STEEP1: variants seen among roughly 807,000 people sequenced by gnomAD.
STEEP1 encodes the protein STING ER exit protein.
A neutral mutation model predicts 19.2 loss-of-function variants in STEEP1; 3 were observed. The ratio of observed to expected loss-of-function variants is 0.16; its 90% CI spans 0.07 to 0.40. STEEP1 has a LOEUF of 0.40. STEEP1 is among the 10% of genes least tolerant of loss of function. STEEP1 has a pLI of 0.99. For synonymous variants in STEEP1, 46 were observed against 63.7 expected (o/e 0.72, Z 1.32); for missense variants, 54 against 177.1 (o/e 0.30, Z 3.94).
intron 2 of STEEP1, among the ~76,000 whole-genome samples, chrX:119,552,553 C>G (rs748249689): frequency 1.8e-5 from 2 of 112,432 alleles, no homozygotes; most frequent in Admixed American, 1.9e-4. Context: ...TCCCTGGACA[C>G]GCCACCCTTC....
intron 4 of STEEP1, among the ~76,000 whole-genome samples, chrX:119,542,997 CAAAAAAA>C (rs60574433): frequency 1.5e-4 from 7 of 47,898 alleles, no homozygotes; most frequent in African/African-American, 5.4e-4. Flanking sequence ...CTGGGTCTCG[CAAAAAAA>C]AAAAAAAAAA....
chrX:119,557,155 CAAAAAAA>C (rs61087266), intron 2 of STEEP1, among the ~76,000 whole-genome samples: 3 of 47,778 alleles, frequency 6.3e-5, no homozygotes, highest in East Asian at 8.4e-4. Context: ...GACTCTATCT[CAAAAAAA>C]AAAAAAAAAA....
At chrX:119,544,834 G>A (rs777431081) in intron 3 of STEEP1, among the ~76,000 whole-genome samples, 2 of 109,977 alleles carry the variant, frequency 1.8e-5, no homozygotes, top group East Asian at 2.9e-4. Flanking sequence ...CCAGCTACTC[G>A]GGAGGTTGAC....
intron 2 of STEEP1, among the ~76,000 whole-genome samples, chrX:119,550,930 T>C (rs1353093305): frequency 2.7e-5 from 3 of 111,121 alleles, no homozygotes; most frequent in East Asian, 5.7e-4. Flanking sequence ...CCCAAAGTGC[T>C]AGGATTACAA....
chrX:119,545,511 A>G lies in STEEP1; in HGVS notation c.243-7T>C, dbSNP rs1233622531. The G allele has an allele frequency of 7.0e-6, 8 of 1,135,331 alleles. No individual in the cohort carries two copies. The highest frequency in any genetic ancestry group is 9.7e-6 in the Non-Finnish European group (8 of 828,470). 93.6% of individuals were successfully genotyped at this position (1,135,331 alleles called of 1,213,427 possible). On this transcript the variant is annotated splice_region_variant and splice_polypyrimidine_tract_variant and intron_variant, in intron 2 of 6. Transcript: ENST00000644802. ...TCGTTCAATGCCTTCAGGTCTGCACAGAAAATGGAAGTTAAAAAGATATGA... is the reference window on the plus strand; with the variant it reads ...TCGTTCAATGCCTTCAGGTCTGCACGGAAAATGGAAGTTAAAAAGATATGA...
chrX:119,544,096 T>C (rs182806012), intron 4 of STEEP1, among the ~76,000 whole-genome samples: 75 of 111,373 alleles, frequency 6.7e-4, no homozygotes, highest in Admixed American at 1.6e-3. Flanking sequence ...CATACCTGTA[T>C]CAAAATATCT....
chrX:119,554,830 G>A (rs1429650414), intron 2 of STEEP1, among the ~76,000 whole-genome samples: 1 of 111,448 alleles, frequency 9.0e-6, no homozygotes, highest in Non-Finnish European at 1.9e-5. Context: ...TTTCAGGCCA[G>A]GCACGGTGGC....
intron 3 of STEEP1, 111 bp downstream of exon 3, chrX:119,545,352 C>CAAAA (rs372221185): frequency 2.7e-6 from 1 of 372,852 alleles, no homozygotes; most frequent in Non-Finnish European, 4.5e-6. Context: ...GACTCTGTCT[C>CAAAA]AAAAAAAAAA....
chrX:119,540,657 A>G (rs890978302), intron 6 of STEEP1, among the ~76,000 whole-genome samples: 1 of 112,699 alleles, frequency 8.9e-6, no homozygotes, highest in African/African-American at 3.2e-5. Flanking sequence ...TCCTGGTACT[A>G]CCAAGGTAGC....
At chrX:119,563,542 C>T (rs1270735233) in intron 1 of STEEP1, among the ~76,000 whole-genome samples, 1 of 101,833 alleles carries the variant, frequency 9.8e-6, no homozygotes, top group Non-Finnish European at 2.0e-5. Context: ...GAGCGAAACT[C>T]CATCTCAAAA....
chrX:119,554,264 G>C (rs1448166115), intron 2 of STEEP1, among the ~76,000 whole-genome samples: 1 of 111,575 alleles, frequency 9.0e-6, no homozygotes. Context: ...GGCCAACACA[G>C]TGAAACCCCG....
intron 2 of STEEP1, among the ~76,000 whole-genome samples, chrX:119,559,079 G>A (rs1422734070): frequency 9.1e-6 from 1 of 110,205 alleles, no homozygotes; most frequent in Non-Finnish European, 1.9e-5. Context: ...TTAGCCAGGC[G>A]TGGTGGCAGG....
At chrX:119,562,269 C>A (rs2053325049) in intron 1 of STEEP1, among the ~76,000 whole-genome samples, 1 of 111,557 alleles carries the variant, frequency 9.0e-6, no homozygotes, top group African/African-American at 3.3e-5. Flanking sequence ...CGGTTGCTCA[C>A]GTCTGTAATC....
intron 1 of STEEP1, among the ~76,000 whole-genome samples, chrX:119,564,964 AAT>A (rs1447249995): frequency 9.0e-6 from 1 of 111,204 alleles, no homozygotes; most frequent in African/African-American, 3.3e-5. Context: ...AGGGAAATAC[AAT>A]ATGTTTGTGT....
At chrX:119,561,696 G>T (rs2053322068) in intron 1 of STEEP1, among the ~76,000 whole-genome samples, 1 of 109,479 alleles carries the variant, frequency 9.1e-6, no homozygotes, top group South Asian at 3.8e-4. Context: ...GAAAAAAAAA[G>T]AAAATTTATA....
In STEEP1 at chrX:119,564,503, A is replaced by AGGG. The variant is rs111539730; in HGVS notation, c.124+726_124+728dup. ...AGAGTGAGACTCCATCTGAAAAAAA[A>AGGG]GGGGGGGGGGAAATACGAGGTAGGA... On this transcript the variant is annotated intron_variant, in intron 1 of 6. Coordinates refer to ENST00000644802, the MANE Select transcript of STEEP1 (RefSeq NM_022101.4). Among the ~76,000 whole-genome samples the AGGG allele has an allele frequency of 4.6e-3, 354 of 77,598 alleles. 5 individuals carry two copies. Among genetic ancestry groups the AGGG allele is most frequent in the African/African-American group, 0.012 (233 of 19,938 alleles). The allele number at this position is 77,598 out of a possible 115,157, so 67.4% of individuals were successfully genotyped here. A position where few individuals can be genotyped will look rare whatever the true frequency, so the allele number is the denominator to read the frequency against.
At chrX:119,546,037 G>A (rs907206914) in intron 2 of STEEP1, among the ~76,000 whole-genome samples, 2 of 111,457 alleles carry the variant, frequency 1.8e-5, no homozygotes, top group African/African-American at 6.5e-5. Flanking sequence ...GAGGAGCAGT[G>A]TAGTCATAAT....
At chrX:119,549,651 G>C (rs775600544) in intron 2 of STEEP1, among the ~76,000 whole-genome samples, 1 of 112,054 alleles carries the variant, frequency 8.9e-6, no homozygotes, top group Non-Finnish European at 1.9e-5. Context: ...GGAAGCATAA[G>C]AGCATGGCTC....
chrX:119,538,195 A>C lies in STEEP1; in HGVS notation c.*1532T>G, dbSNP rs1285473790. 7.7e-6 allele frequency: 1 copy of C among 130,624 alleles called. No homozygotes were observed. Among genetic ancestry groups the C allele is most frequent in the Non-Finnish European group, 1.4e-5 (1 of 70,337 alleles). 10.8% of individuals were successfully genotyped at this position (130,624 alleles called of 1,213,427 possible). Reference sequence around the variant, plus strand: ...TACAGTTGAATGGATAAAAACATGGATACAAACACATGGATATAGGTATCA... The same window carrying C: ...TACAGTTGAATGGATAAAAACATGGCTACAAACACATGGATATAGGTATCA... On this transcript the variant is annotated 3_prime_UTR_variant, in exon 7 of 7. Transcript: ENST00000644802.
Sources: allele counts gnomAD v4.1 joint callset (sites outside exome capture counted in the v4.1 genomes callset), GRCh38; gene constraint gnomAD v4.1.1; transcripts MANE v1.5; gene names NCBI Gene and HGNC (gene_info 2026-07-23, HGNC 2026-07-21).